Variants in ABAT observed in about 807,000 individuals in gnomAD.
The protein encoded by ABAT is 4-aminobutyrate aminotransferase, mitochondrial.
ABAT carries 45 observed loss-of-function variants against 64.6 expected under a neutral mutation model. The ratio of observed to expected loss-of-function variants is 0.70; its 90% CI spans 0.55 to 0.89. The LOEUF (loss-of-function observed/expected upper bound fraction) is 0.89. Among genes scored for constraint, ABAT ranks in the 40% least tolerant of loss-of-function variants. The pLI is 0.00. For synonymous variants in ABAT, 297 were observed against 250.5 expected, an observed-to-expected ratio of 1.19 and a Z score of -1.75; for missense variants, 633 against 658.4, an observed-to-expected ratio of 0.96 and a Z score of 0.42.
At chr16:8,732,196 G>GT (rs746087281) in intron 1 of ABAT, among the ~76,000 whole-genome samples, 8 of 18,726 alleles carry the variant, frequency 4.3e-4, no homozygotes, top group African/African-American at 7.3e-4. Flanking sequence ...GGTTTTTTTT[G>GT]TTTTTTTTTT....
intron 1 of ABAT, among the ~76,000 whole-genome samples, chr16:8,685,706 A>C (rs922094126): frequency 6.6e-6 from 1 of 151,942 alleles, no homozygotes; most frequent in East Asian, 1.9e-4. Context: ...AACAACAGCA[A>C]CATCGAAAAA....
At chr16:8,768,158 A>G (rs369668077) in intron 9 of ABAT, 35 bp from the exon 10 acceptor site, 1 of 1,603,446 alleles carries the variant, frequency 6.2e-7, no homozygotes, top group Non-Finnish European at 8.5e-7. Flanking sequence ...CCATCCTTAC[A>G]ACTATGACTA....
chr16:8,779,126 T>A (rs2060354575), intron 14 of ABAT, among the ~76,000 whole-genome samples: 1 of 152,190 alleles, frequency 6.6e-6, no homozygotes, highest in Admixed American at 6.5e-5. Context: ...TGCTAAAGTC[T>A]CACCACGGCC....
At chr16:8,761,733 G>A (rs991614428) in intron 6 of ABAT, among the ~76,000 whole-genome samples, 9 of 152,146 alleles carry the variant, frequency 5.9e-5, no homozygotes, top group African/African-American at 1.7e-4. Context: ...TGGGTCTTCC[G>A]CATTTTTGGC....
chr16:8,712,008 G>GC (rs1555485856), intron 1 of ABAT, among the ~76,000 whole-genome samples: 43 of 151,664 alleles, frequency 2.8e-4, no homozygotes, highest in Admixed American at 6.6e-4. Context: ...GGGAGGTCGG[G>GC]GGGGAGGGGC....
intron 5 of ABAT, among the ~76,000 whole-genome samples, chr16:8,756,337 G>A (rs563895336): frequency 6.6e-6 from 1 of 152,282 alleles, no homozygotes; most frequent in Middle Eastern, 3.4e-3. Context: ...TCTTGCTTGA[G>A]TTTAACATAA....
At chr16:8,743,910 G>A (rs2059254709) in intron 2 of ABAT, among the ~76,000 whole-genome samples, 1 of 151,936 alleles carries the variant, frequency 6.6e-6, no homozygotes, top group Admixed American at 6.6e-5. Flanking sequence ...GGATTTCTAG[G>A]GGTTCCTGAC....
chr16:8,726,673 G>A (rs1203448154), intron 1 of ABAT, among the ~76,000 whole-genome samples: 4 of 152,154 alleles, frequency 2.6e-5, no homozygotes, highest in Admixed American at 1.3e-4. Context: ...ATATCTCTTC[G>A]ATATACTGAG....
At chr16:8,775,405 G>A (rs952089829) in intron 13 of ABAT, among the ~76,000 whole-genome samples, 1 of 152,188 alleles carries the variant, frequency 6.6e-6, no homozygotes, top group Non-Finnish European at 1.5e-5. Context: ...CCAAGTAGCT[G>A]TTATTTTTAT....
chr16:8,723,916 C>T (rs186756033), intron 1 of ABAT, among the ~76,000 whole-genome samples: 2 of 138,488 alleles, frequency 1.4e-5, no homozygotes, highest in Non-Finnish European at 3.0e-5. Context: ...TCTAGGCTCA[C>T]TGCAACCCCC....
intron 13 of ABAT, among the ~76,000 whole-genome samples, chr16:8,775,656 A>G (rs1429327499): frequency 1.3e-5 from 2 of 152,188 alleles, no homozygotes; most frequent in Admixed American, 1.3e-4. Context: ...TCATGGTCCA[A>G]AATGGCTTCT....
chr16:8,746,496 T>G (rs1421296318), intron 3 of ABAT, among the ~76,000 whole-genome samples: 1 of 151,994 alleles, frequency 6.6e-6, no homozygotes, highest in East Asian at 2.0e-4. Flanking sequence ...GAGGTTGCAG[T>G]GAGCCTCCTG....
At chr16:8,716,046 A>C (rs1221090776) in intron 1 of ABAT, among the ~76,000 whole-genome samples, 1 of 152,202 alleles carries the variant, frequency 6.6e-6, no homozygotes, top group African/African-American at 2.4e-5. Flanking sequence ...AAGATTTTCC[A>C]GTGCCCAGGC....
intron 5 of ABAT, 26 bp from the exon 6 acceptor site, chr16:8,757,731 C>T (rs2059687719): frequency 1.2e-6 from 2 of 1,612,944 alleles, no homozygotes; most frequent in African/African-American, 2.7e-5. Context: ...GCAATGAGGT[C>T]TCTAACAATA....
intron 5 of ABAT, chr16:8,757,253 C>T (rs1202255343): frequency 3.4e-5 from 15 of 437,536 alleles, no homozygotes; most frequent in Middle Eastern, 7.3e-4. Flanking sequence ...ATGCAACCTC[C>T]GCCTCTTGTG....
intron 1 of ABAT, among the ~76,000 whole-genome samples, chr16:8,728,665 G>A (rs1731080): frequency 0.62 from 94,112 of 151,938 alleles, 29,746 homozygotes; most frequent in Admixed American, 0.7. Context: ...CACAAGGTCA[G>A]GAGATTGAGA....
intron 1 of ABAT, among the ~76,000 whole-genome samples, chr16:8,698,307 C>G (rs2142008632): frequency 6.6e-6 from 1 of 151,846 alleles, no homozygotes; most frequent in Middle Eastern, 3.4e-3. Context: ...GCTCATGGAC[C>G]CTTGGGTTTG....
chr16:8,730,208 G>A (rs1156797912), intron 1 of ABAT, among the ~76,000 whole-genome samples: 2 of 152,160 alleles, frequency 1.3e-5, no homozygotes, highest in African/African-American at 2.4e-5. Flanking sequence ...GGGTAAGGAC[G>A]GCCTCTAATT....
intron 1 of ABAT, among the ~76,000 whole-genome samples, chr16:8,681,902 A>G (rs2057342461): frequency 6.6e-6 from 1 of 152,036 alleles, no homozygotes; most frequent in African/African-American, 2.4e-5. Flanking sequence ...TCGGCCTCCC[A>G]AAGTGCTGGG....
Sources: gnomAD v4.1 joint callset for allele counts (sites outside exome capture counted in the v4.1 genomes callset) on GRCh38, gnomAD v4.1.1 for gene constraint, MANE v1.5 for transcripts, NCBI Gene and HGNC (gene_info 2026-07-23, HGNC 2026-07-21) for gene names.